NF2: variants seen among roughly 807,000 people sequenced by gnomAD.
NF2 encodes NF2, moesin-ezrin-radixin like (MERLIN) tumor suppressor.
A neutral mutation model predicts 83.7 loss-of-function variants in NF2; 8 were observed. The ratio of observed to expected loss-of-function variants is 0.10; its 90% CI spans 0.06 to 0.17. The LOEUF is 0.17. Among genes scored for constraint, NF2 ranks in the 10% least tolerant of loss-of-function variants. The pLI is 1.00. For synonymous variants in NF2, 266 were observed against 269.6 expected (o/e 0.99, Z 0.13); for missense variants, 533 against 744.4 (o/e 0.72, Z 3.31).
chr22:29,655,089 G>A (rs2066260263), intron 5 of NF2, among the ~76,000 whole-genome samples: 1 of 152,042 alleles, frequency 6.6e-6, no homozygotes, highest in Admixed American at 6.6e-5. Flanking sequence ...AGGTAGGGGT[G>A]GGCATTGTGG....
At chr22:29,649,887 G>C (rs900817767) in intron 4 of NF2, among the ~76,000 whole-genome samples, 1 of 152,032 alleles carries the variant, frequency 6.6e-6, no homozygotes, top group Non-Finnish European at 1.5e-5. Context: ...AACATAATTG[G>C]ATTGTTTGTA....
intron 1 of NF2, among the ~76,000 whole-genome samples, chr22:29,630,716 T>C (rs1187715985): frequency 1.3e-5 from 2 of 152,224 alleles, no homozygotes; most frequent in African/African-American, 4.8e-5. Flanking sequence ...ATCTGCCTCT[T>C]AGCCTCCCTC....
rs2067494851 is a variant in NF2, at chr22:29,694,644, C to A, written c.1738-108C>A. 2.7e-6 allele frequency: 3 copies of A among 1,131,670 alleles called. No individual in the cohort carries two copies. The African/African-American group carries it at 4.6e-5, about 17-fold the overall frequency. The allele number at this position is 1,131,670 out of a possible 1,614,324, so 70.1% of individuals were successfully genotyped here. On this transcript the variant is annotated intron_variant, in intron 15 of 15. Transcript: ENST00000338641. The surrounding 1 kb of genome is among the most constrained non-coding windows in gnomAD (Gnocchi z 4.1). ...TTGAGCATCTATTTGAACAGCCTTC[C>A]CTTTCGCTCCCAGCCACCTTTGAGG... is the stretch of plus-strand genomic sequence containing the variant.
chr22:29,658,088 C>A, intron 6 of NF2, 101 bp from the exon 7 acceptor site: 2 of 1,048,036 alleles, frequency 1.9e-6, no homozygotes, highest in African/African-American at 1.6e-5. Context: ...AGCGACGTGG[C>A]TCTAGAGGAA....
rs749450054 is a variant in NF2 at position 29,661,390 on chromosome 22, C to T, written c.810+51C>T. On this transcript the variant is annotated intron_variant, in intron 8 of 15. Coordinates refer to ENST00000338641, the MANE Select transcript of NF2 (RefSeq NM_000268.4). ...GGTCCAGCAGATCTTTCCCTGTCTGCCCCCCTCACTGGAGCCTCCCCAGCC... is the reference window on the plus strand; with the variant it reads ...GGTCCAGCAGATCTTTCCCTGTCTGTCCCCCTCACTGGAGCCTCCCCAGCC... 68 of 1,608,064 alleles carry T rather than the reference C, an allele frequency of 4.2e-5. No homozygotes were observed. The African/African-American group carries it at 5.7e-4, about 14-fold the overall frequency.
At chr22:29,612,758 G>A (rs1400593938) in intron 1 of NF2, among the ~76,000 whole-genome samples, 1 of 152,120 alleles carries the variant, frequency 6.6e-6, no homozygotes, top group East Asian at 1.9e-4. Context: ...TGATCTACAC[G>A]TTTGACATAA....
chr22:29,671,348 G>A (rs996523113), intron 10 of NF2, among the ~76,000 whole-genome samples: 1 of 152,154 alleles, frequency 6.6e-6, no homozygotes, highest in Non-Finnish European at 1.5e-5. Context: ...GGCCAATATG[G>A]TGAAACCTGA....
At chr22:29,690,421 G>A (rs1466804685) in intron 15 of NF2, among the ~76,000 whole-genome samples, 1 of 152,142 alleles carries the variant, frequency 6.6e-6, no homozygotes, top group Non-Finnish European at 1.5e-5. Flanking sequence ...CTCCCCTGCC[G>A]TCTCACAGCC....
chr22:29,665,771 GAA>G (rs2066604929), intron 9 of NF2, among the ~76,000 whole-genome samples: 1 of 148,110 alleles, frequency 6.8e-6, no homozygotes, highest in African/African-American at 2.5e-5. Context: ...AAAAAAAAAA[GAA>G]AAAGAAAAAG....
intron 1 of NF2, among the ~76,000 whole-genome samples, chr22:29,605,035 C>T (rs1456661945): frequency 6.6e-6 from 1 of 152,164 alleles, no homozygotes; most frequent in Non-Finnish European, 1.5e-5. Context: ...GGCTGGCATG[C>T]AGTAGTGTGA....
At chr22:29,629,432 A>G (rs942505770) in intron 1 of NF2, among the ~76,000 whole-genome samples, 3 of 152,196 alleles carry the variant, frequency 2.0e-5, no homozygotes, top group Non-Finnish European at 4.4e-5. Flanking sequence ...AGTTGTATTC[A>G]GGTTAGGTTT....
intron 15 of NF2, among the ~76,000 whole-genome samples, chr22:29,685,559 C>T (rs1308169069): frequency 4.6e-5 from 7 of 151,828 alleles, no homozygotes. Flanking sequence ...AGGCATTTGC[C>T]ACCATGCCTG....
intron 13 of NF2, among the ~76,000 whole-genome samples, chr22:29,677,603 T>G (rs1291343854): frequency 1.3e-5 from 2 of 151,574 alleles, no homozygotes. Flanking sequence ...TTTGTGGTGG[T>G]GCCCATCTCC....
intron 4 of NF2, among the ~76,000 whole-genome samples, chr22:29,652,391 G>A (rs750586081): frequency 2.7e-4 from 41 of 152,196 alleles, no homozygotes; most frequent in Non-Finnish European, 4.7e-4. Context: ...TGCAACCTCC[G>A]CCTCCCGGGT....
chr22:29,675,089 G>A, intron 13 of NF2, 148 bp downstream of exon 13: 1 of 694,030 alleles, frequency 1.4e-6, no homozygotes. Context: ...CCTGCAGTTA[G>A]GGACTGGGTA....
At position 29,697,566 on chromosome 22, in the gene NF2, C is replaced by CT. The variant is rs113760386; in HGVS notation, c.*2780dup. On this transcript the variant is annotated 3_prime_UTR_variant, in exon 16 of 16. Coordinates refer to ENST00000338641, the MANE Select transcript of NF2 (RefSeq NM_000268.4). ...TTCCTGTGGCTGGGATGACTGCATCCTTTTTTTTTTTTTTTTGAGACGGAG... is the reference window on the plus strand; with the variant it reads ...TTCCTGTGGCTGGGATGACTGCATCCTTTTTTTTTTTTTTTTTGAGACGGAG... The CT allele has an allele frequency of 0.014, 2,247 of 158,790 alleles. 8 individuals carry two copies. Among genetic ancestry groups the CT allele is most frequent in the East Asian group, 0.03 (265 of 8,892 alleles). The allele number at this position is 158,790 out of a possible 1,614,324, so 9.8% of individuals were successfully genotyped here. A position where few individuals can be genotyped will look rare whatever the true frequency, so the allele number is the denominator to read the frequency against.
intron 4 of NF2, among the ~76,000 whole-genome samples, chr22:29,644,669 G>C (rs1466949760): frequency 2.0e-5 from 3 of 152,304 alleles, no homozygotes; most frequent in South Asian, 2.1e-4. Context: ...CTGCAATCCC[G>C]GCACCTCGGG....
Position 29,613,145 on chromosome 22 carries a change from C to T in NF2, c.114+9033C>T, listed in dbSNP as rs190843829. ...GTCAATTCATAAATTCCTATGGAAT[C>T]GCAAGGGACCCACAATAGCTAAATC... is the stretch of plus-strand genomic sequence containing the variant. On this transcript the variant is annotated intron_variant, in intron 1 of 15. Coordinates refer to ENST00000338641, the MANE Select transcript of NF2 (RefSeq NM_000268.4). 3.5e-3 allele frequency among the ~76,000 whole-genome samples: 532 copies of T among 151,856 alleles called. 4 individuals are homozygous for T. Among genetic ancestry groups the T allele is most frequent in the Non-Finnish European group, 5.8e-3 (394 of 67,950 alleles).
intron 4 of NF2, among the ~76,000 whole-genome samples, chr22:29,648,130 CAAAATAAAT>C (rs1360408056): frequency 9.8e-5 from 8 of 81,902 alleles, no homozygotes; most frequent in Admixed American, 1.3e-4. Context: ...GACTCCATCT[CAAAATAAAT>C]AAATAAATAA....
Sources: allele counts gnomAD v4.1 joint callset (sites outside exome capture counted in the v4.1 genomes callset), GRCh38; gene constraint gnomAD v4.1.1; non-coding constraint Gnocchi (gnomAD v3.1); transcripts MANE v1.5; gene names NCBI Gene and HGNC (gene_info 2026-07-23, HGNC 2026-07-21).